The following IKZF1 variants were observed in gnomAD, a reference collection of about 807,000 sequenced individuals.
The protein encoded by IKZF1 is IKAROS family zinc finger 1, also known as DNA-binding protein Ikaros.
A neutral mutation model predicts 51.7 loss-of-function variants in IKZF1; 10 were observed. The ratio of observed to expected loss-of-function variants is 0.19; its 90% CI spans 0.12 to 0.33. IKZF1 has a LOEUF of 0.33. Among genes scored for constraint, IKZF1 ranks in the 10% least tolerant of loss-of-function variants. The pLI, the probability that IKZF1 is intolerant of heterozygous loss-of-function variation, is 1.00. For synonymous variants in IKZF1, 280 were observed against 282.3 expected, an observed-to-expected ratio of 0.99 and a Z score of 0.08; for missense variants, 484 against 707.5, an observed-to-expected ratio of 0.68 and a Z score of 3.58.
At chr7:50,307,276 C>T (rs867728877) in intron 1 of IKZF1, among the ~76,000 whole-genome samples, 4 of 151,494 alleles carry the variant, frequency 2.6e-5, no homozygotes, top group South Asian at 2.1e-4. Context: ...TTTTTTCCTC[C>T]TCTAATCTTT....
At chr7:50,373,097 A>T (rs1470647544) in intron 3 of IKZF1, among the ~76,000 whole-genome samples, 1 of 152,226 alleles carries the variant, frequency 6.6e-6, no homozygotes, top group African/African-American at 2.4e-5. Flanking sequence ...GGCTTTGAGA[A>T]CATCTGTGAT....
intron 3 of IKZF1, among the ~76,000 whole-genome samples, chr7:50,347,644 A>C (rs1398848370): frequency 1.3e-5 from 2 of 152,134 alleles, no homozygotes; most frequent in Non-Finnish European, 2.9e-5. Flanking sequence ...TCCAATTTTT[A>C]ATTGAATTTC....
intron 3 of IKZF1, among the ~76,000 whole-genome samples, chr7:50,358,058 T>G: frequency 6.6e-6 from 1 of 152,152 alleles, no homozygotes; most frequent in Non-Finnish European, 1.5e-5. Flanking sequence ...GCAACAGCTG[T>G]GGAACCAGGT....
intron 4 of IKZF1, among the ~76,000 whole-genome samples, chr7:50,381,480 T>C (rs1375951003): frequency 3.9e-5 from 6 of 152,238 alleles, no homozygotes; most frequent in Non-Finnish European, 5.9e-5. Context: ...TGTTCCCTGA[T>C]TTAGATTCCA....
chr7:50,372,333 G>A (rs1208302631), intron 3 of IKZF1, among the ~76,000 whole-genome samples: 1 of 152,174 alleles, frequency 6.6e-6, no homozygotes, highest in East Asian at 1.9e-4. Context: ...TGACGGTGTT[G>A]CCCACTCTGT....
intron 4 of IKZF1, chr7:50,377,094 T>A (rs1296841534): frequency 2.6e-6 from 1 of 383,612 alleles, no homozygotes; most frequent in African/African-American, 2.1e-5. Context: ...CTAAGTAGTC[T>A]CAGCTGAGCC....
Position 50,400,944 on chromosome 7 carries a change from A to G in IKZF1, c.*317A>G, listed in dbSNP as rs369992271. ...ATCCCCTTCTCCAAACGATTAGTCT[A>G]AATTTTCAGAGAGAAATAGATAAAA... On this transcript the variant is annotated 3_prime_UTR_variant, in exon 8 of 8. Coordinates refer to ENST00000331340, the MANE Select transcript of IKZF1 (RefSeq NM_006060.6). This position sits in a 1 kb window ranked among gnomAD's most constrained non-coding sequence, Gnocchi z 5.4. The G allele has an allele frequency of 5.6e-5, 25 of 442,598 alleles. No homozygotes were observed. Among genetic ancestry groups the G allele is most frequent in the African/African-American group, 4.0e-4 (20 of 50,292 alleles). The allele number at this position is 442,598 out of a possible 1,614,324, so 27.4% of individuals were successfully genotyped here.
chr7:50,335,705 G>A (rs993604995), intron 3 of IKZF1, among the ~76,000 whole-genome samples: 14 of 149,768 alleles, frequency 9.3e-5, no homozygotes, highest in African/African-American at 3.5e-4. Flanking sequence ...ATGTTTATGG[G>A]ATGTGTGCTG....
At chr7:50,391,048 C>A (rs1814891238) in intron 6 of IKZF1, among the ~76,000 whole-genome samples, 1 of 152,108 alleles carries the variant, frequency 6.6e-6, no homozygotes, top group Admixed American at 6.5e-5. Flanking sequence ...AAATATAGAT[C>A]CAGCTATGCA....
rs1198525472 is a variant in IKZF1, at chr7:50,327,732, A to G, written c.135A>G (p.Gln45=). Residue 45 remains glutamine (Q), a synonymous_variant, in exon 3 of 8, where the codon CAA becomes CAG. Transcript: ENST00000331340. The stretch of plus-strand genomic sequence containing the variant: ...TCTCCACCACCTCGGGAGGACAGCA[A>G]AGCTCCAAGAGTGACAGAGTCGTGG... ...EDLSTTSGGQ[Q]SSKSDRVVAS... 1.9e-6 allele frequency: 3 copies of G among 1,613,386 alleles called. No homozygotes were observed. The highest frequency in any genetic ancestry group is 2.5e-6 in the Non-Finnish European group (3 of 1,179,672).
At chr7:50,365,094 A>G (rs928676227) in intron 3 of IKZF1, among the ~76,000 whole-genome samples, 54 of 152,350 alleles carry the variant, frequency 3.5e-4, no homozygotes, top group African/African-American at 9.6e-4. Context: ...AAGCATCATA[A>G]AAACAGCTTC....
intron 7 of IKZF1, among the ~76,000 whole-genome samples, chr7:50,392,379 C>G (rs1400391333): frequency 6.6e-6 from 1 of 151,954 alleles, no homozygotes; most frequent in African/African-American, 2.4e-5. Flanking sequence ...GCCTAATGCT[C>G]TGCGGGATTA....
chr7:50,390,125 A>G (rs531792760), intron 6 of IKZF1, among the ~76,000 whole-genome samples: 1 of 152,214 alleles, frequency 6.6e-6, no homozygotes, highest in Non-Finnish European at 1.5e-5. Context: ...TTGGAGGTGC[A>G]TGCATCTAAT....
chr7:50,339,621 G>A (rs1404523105), intron 3 of IKZF1, among the ~76,000 whole-genome samples: 1 of 152,022 alleles, frequency 6.6e-6, no homozygotes, highest in African/African-American at 2.4e-5. Flanking sequence ...GGGTGTGGTG[G>A]CGTGTGCCTG....
intron 3 of IKZF1, among the ~76,000 whole-genome samples, chr7:50,348,936 A>G (rs1801106748): frequency 6.6e-6 from 1 of 152,148 alleles, no homozygotes; most frequent in African/African-American, 2.4e-5. Context: ...CAGATGAGGA[A>G]GGTCCCTGGC....
chr7:50,386,462 C>A (rs904313354), intron 5 of IKZF1, among the ~76,000 whole-genome samples: 4 of 152,212 alleles, frequency 2.6e-5, no homozygotes, highest in African/African-American at 4.8e-5. Flanking sequence ...GCATTTCTAT[C>A]ATCATAGGAA....
chr7:50,325,278 C>CAAAAAA (rs71018469), intron 2 of IKZF1, among the ~76,000 whole-genome samples: 1 of 93,658 alleles, frequency 1.1e-5, no homozygotes, highest in Non-Finnish European at 2.0e-5. Context: ...CCGCTGCCAC[C>CAAAAAA]AAAAAAAAAA....
At chr7:50,362,443 G>A (rs536473792) in intron 3 of IKZF1, among the ~76,000 whole-genome samples, 3 of 152,362 alleles carry the variant, frequency 2.0e-5, no homozygotes, top group Admixed American at 6.5e-5. Context: ...GACTTGCAAA[G>A]CACTAGCCCT....
At chr7:50,369,079 A>G (rs1807870272) in intron 3 of IKZF1, 1 of 228,526 alleles carries the variant, frequency 4.4e-6, no homozygotes, top group Non-Finnish European at 8.7e-6. Flanking sequence ...CTTTGATTCC[A>G]CTTTAAAGCA....
Sources: allele counts gnomAD v4.1 joint callset (sites outside exome capture counted in the v4.1 genomes callset), GRCh38; gene constraint gnomAD v4.1.1; non-coding constraint Gnocchi (gnomAD v3.1); transcripts MANE v1.5; gene names NCBI Gene and HGNC (gene_info 2026-07-23, HGNC 2026-07-21).